DSTN: variants seen among roughly 807,000 people sequenced by gnomAD.
DSTN encodes the protein destrin, actin depolymerizing factor.
In DSTN, 10 loss-of-function variants were observed where a neutral mutation model predicts 16.8. The ratio of observed to expected loss-of-function variants is 0.60; its 90% confidence interval spans 0.37 to 1.01. The LOEUF is 1.01. DSTN is among the 50% of genes least tolerant of loss of function. The pLI, the probability that DSTN is intolerant of heterozygous loss-of-function variation, is 0.01. For synonymous variants in DSTN, 57 were observed against 58.9 expected, an observed-to-expected ratio of 0.97 and a Z score of 0.14; for missense variants, 141 against 196.7, an observed-to-expected ratio of 0.72 and a Z score of 1.69.
intron 1 of DSTN, among the ~76,000 whole-genome samples, chr20:17,594,082 AAAATAAATAAATAAATAAAT>A (rs59974407): frequency 6.9e-6 from 1 of 145,502 alleles, no homozygotes; most frequent in Non-Finnish European, 1.5e-5. Flanking sequence ...CCGTATCTCA[AAAATAAATAAATAAATAAAT>A]AAATAAATAA....
chr20:17,581,170 G>T (rs982300372), intron 1 of DSTN, among the ~76,000 whole-genome samples: 1 of 152,026 alleles, frequency 6.6e-6, no homozygotes, highest in Non-Finnish European at 1.5e-5. Flanking sequence ...ATACAAATGG[G>T]GACAAAGACC....
chr20:17,573,229 C>T (rs192949580), intron 1 of DSTN, among the ~76,000 whole-genome samples: 5 of 152,196 alleles, frequency 3.3e-5, no homozygotes, highest in Admixed American at 2.6e-4. Context: ...ATATGTATTG[C>T]CTTGATGTGC....
chr20:17,605,945 A>T (rs1307545443), intron 3 of DSTN, among the ~76,000 whole-genome samples: 2 of 147,358 alleles, frequency 1.4e-5, no homozygotes, highest in East Asian at 3.9e-4. Flanking sequence ...TCTACTAAAA[A>T]TACAAAAAAA....
At position 17,600,821 on chromosome 20, in the gene DSTN, C is replaced by G. The variant is rs145173660; in HGVS notation, c.87C>G (p.Ile29Met). Residue 29 changes from isoleucine to methionine, a missense_variant, in exon 2 of 4, where the codon ATC (isoleucine) becomes ATG (methionine). Physicochemically the swap from Ile to Met is conservative, Grantham distance 10. Coordinates refer to ENST00000246069, the MANE Select transcript of DSTN (RefSeq NM_006870.4). ...KVRKCSTPEE[I>M]KKRKKAVIFC... ...GTAAATGCTCCACACCAGAAGAAAT[C>G]AAGAAAAGAAAGAAGGCTGTCATTT... 15 of 1,613,456 alleles carry G rather than the reference C, an allele frequency of 9.3e-6. No individual in the cohort carries two copies. The highest frequency in any genetic ancestry group is 1.3e-5 in the African/African-American group (1 of 74,806).
chr20:17,578,671 C>G (rs1443652634), intron 1 of DSTN, among the ~76,000 whole-genome samples: 1 of 152,132 alleles, frequency 6.6e-6, no homozygotes, highest in African/African-American at 2.4e-5. Flanking sequence ...AATGAAAGAG[C>G]AAGAAGTGGC....
At chr20:17,604,659 T>C in intron 3 of DSTN, 28 bp downstream of exon 3, 1 of 1,591,354 alleles carries the variant, frequency 6.3e-7, no homozygotes. Flanking sequence ...TCTGAATATG[T>C]AGAGGTATGG....
Position 17,600,889 on chromosome 20 carries a change from G to A in DSTN, c.155G>A (p.Gly52Asp). 1.2e-6 allele frequency: 2 copies of A among 1,613,852 alleles called. No homozygotes were observed. Among genetic ancestry groups the A allele is most frequent in the Non-Finnish European group, 1.7e-6 (2 of 1,179,854 alleles). Residue 52 changes from glycine to aspartate, a missense_variant, in exon 2 of 4, where the codon GGC becomes GAC. Coordinates refer to ENST00000246069, the MANE Select transcript of DSTN (RefSeq NM_006870.4). ...ADKKCIIVEEGKEILVGDVGV... is the reference protein window; with the variant it reads ...ADKKCIIVEEDKEILVGDVGV... ...AAAAAGTGCATCATTGTAGAAGAAG[G>A]CAAAGAGATCTTGGTTGGAGATGTT... is the stretch of plus-strand genomic sequence containing the variant.
chr20:17,596,797 TAC>T, intron 1 of DSTN: 1 of 985,462 alleles, frequency 1.0e-6, no homozygotes, highest in Non-Finnish European at 1.2e-6. Flanking sequence ...GCTTGTAAGT[TAC>T]AGCCAGATTT....
chr20:17,597,109 G>T (rs2035534582), intron 1 of DSTN, among the ~76,000 whole-genome samples: 1 of 152,134 alleles, frequency 6.6e-6, no homozygotes, highest in African/African-American at 2.4e-5. Context: ...TTCATCTGTT[G>T]CAAAATGGAG....
chr20:17,575,247 TTTTC>T lies in DSTN; in HGVS notation c.3+5041_3+5044del, dbSNP rs971008038. 7.0e-4 allele frequency among the ~76,000 whole-genome samples: 106 copies of T among 152,318 alleles called. 1 individual carries two copies. The highest frequency in any genetic ancestry group is 2.4e-3 in the African/African-American group (101 of 41,570). On this transcript the variant is annotated intron_variant, in intron 1 of 3. Transcript: ENST00000246069. The stretch of plus-strand genomic sequence containing the variant: ...GTTTTTATGTTAATGTAACTTTATA[TTTTC>T]TTTCAGTAATATTTGAGATGAAGCA...
intron 1 of DSTN, among the ~76,000 whole-genome samples, chr20:17,580,340 A>G (rs1885081): frequency 0.48 from 73,541 of 152,158 alleles, 22,080 homozygotes; most frequent in Middle Eastern, 0.67. Flanking sequence ...TCCAAGCACT[A>G]GGGAAACAAG....
intron 1 of DSTN, among the ~76,000 whole-genome samples, chr20:17,573,318 GT>G (rs1041053626): frequency 1.3e-4 from 20 of 148,688 alleles, no homozygotes; most frequent in East Asian, 3.9e-4. Context: ...TGTGGGGGTG[GT>G]TTTTTTTTTC....
intron 2 of DSTN, among the ~76,000 whole-genome samples, chr20:17,603,814 C>T (rs2035612053): frequency 1.3e-5 from 2 of 152,160 alleles, no homozygotes; most frequent in Admixed American, 1.3e-4. Flanking sequence ...TGAGATTATA[C>T]AAGTGGATTT....
Position 17,583,992 on chromosome 20 carries a change from A to G in DSTN, c.3+13781A>G, listed in dbSNP as rs150804326. 1.6e-3 allele frequency among the ~76,000 whole-genome samples: 245 copies of G among 152,014 alleles called. 1 individual carries two copies. Among genetic ancestry groups the G allele is most frequent in the Non-Finnish European group, 2.4e-3 (161 of 67,954 alleles). ...GGACTCAAGTGATCTTCCTGCCTCA[A>G]CTTCCCAAAGTGCTGAGATTATAGG... On this transcript the variant is annotated intron_variant, in intron 1 of 3. Transcript: ENST00000246069.
intron 2 of DSTN, among the ~76,000 whole-genome samples, chr20:17,601,253 C>T (rs1016550399): frequency 1.4e-5 from 2 of 143,800 alleles, no homozygotes; most frequent in African/African-American, 5.3e-5. Context: ...TGTTATGTGA[C>T]TCTCCGTTTT....
intron 1 of DSTN, among the ~76,000 whole-genome samples, 157 bp downstream of exon 1, chr20:17,570,368 C>T (rs562369585): frequency 4.8e-4 from 73 of 152,254 alleles, no homozygotes; most frequent in Non-Finnish European, 1.0e-3. Context: ...GGGGGGGTCT[C>T]TGGGCCTCCG....
intron 1 of DSTN, among the ~76,000 whole-genome samples, chr20:17,588,421 C>A (rs902817745): frequency 1.3e-5 from 2 of 152,062 alleles, no homozygotes; most frequent in African/African-American, 4.8e-5. Flanking sequence ...TTCTCAGGAC[C>A]GCCTAAGGCT....
At chr20:17,577,212 G>A (rs1301949800) in intron 1 of DSTN, among the ~76,000 whole-genome samples, 8 of 152,098 alleles carry the variant, frequency 5.3e-5, no homozygotes, top group Non-Finnish European at 1.2e-4. Flanking sequence ...CAAATGCTTG[G>A]TACCGGAAGG....
chr20:17,589,157 A>C (rs1031151648), intron 1 of DSTN, among the ~76,000 whole-genome samples: 18 of 150,658 alleles, frequency 1.2e-4, no homozygotes, highest in Admixed American at 8.6e-4. Flanking sequence ...CCATTTTTAT[A>C]CTTTAAGTAG....
Sources: allele counts gnomAD v4.1 joint callset (sites outside exome capture counted in the v4.1 genomes callset), GRCh38; gene constraint gnomAD v4.1.1; transcripts MANE v1.5; gene names NCBI Gene and HGNC (gene_info 2026-07-23, HGNC 2026-07-21).